UBAP2L: variants seen among roughly 807,000 people sequenced by gnomAD.
The protein encoded by UBAP2L is ubiquitin-associated protein 2-like.
Under a neutral mutation model 130.6 loss-of-function variants are expected in UBAP2L, and 12 were observed. The ratio of observed to expected loss-of-function variants is 0.09; its 90% CI spans 0.06 to 0.15. The LOEUF (loss-of-function observed/expected upper bound fraction) is 0.15. Ranked by LOEUF, UBAP2L falls within the 10% of genes least tolerant of loss-of-function variation. The pLI, the probability that UBAP2L is intolerant of heterozygous loss-of-function variation, is 1.00. For missense variants in UBAP2L, 965 were observed against 1,332.5 expected, an observed-to-expected ratio of 0.72 and a Z score of 4.29; for synonymous variants, 503 against 524.7, an observed-to-expected ratio of 0.96 and a Z score of 0.57.
chr1:154,238,467 G>A (rs770617821), intron 8 of UBAP2L, among the ~76,000 whole-genome samples: 1 of 152,202 alleles, frequency 6.6e-6, no homozygotes, highest in Non-Finnish European at 1.5e-5. Context: ...AGGTAAGATG[G>A]CAGAAGTTGA....
At chr1:154,235,729 C>T (rs536841720) in intron 6 of UBAP2L, among the ~76,000 whole-genome samples, 1 of 152,200 alleles carries the variant, frequency 6.6e-6, no homozygotes, top group African/African-American at 2.4e-5. Flanking sequence ...AGGCTGGCCT[C>T]GAACTCCTGA....
chr1:154,259,067 G>A, intron 21 of UBAP2L, 37 bp downstream of exon 21: 1 of 1,579,236 alleles, frequency 6.3e-7, no homozygotes, highest in South Asian at 1.1e-5. Flanking sequence ...AAAGAAAGTA[G>A]TCTTAAAATT....
At chr1:154,228,327 A>G (rs933645795) in intron 3 of UBAP2L, among the ~76,000 whole-genome samples, 19 of 152,136 alleles carry the variant, frequency 1.2e-4, no homozygotes, top group Non-Finnish European at 2.6e-4. Flanking sequence ...AGCTAGGATT[A>G]CAGGCGCCCG....
rs987320462 is a variant in UBAP2L, at chr1:154,268,392, T to C, written c.2971-365T>C. Among the ~76,000 whole-genome samples, 3 of 152,098 alleles carry C rather than the reference T, an allele frequency of 2.0e-5. No homozygotes were observed. In the East Asian group the frequency reaches 5.8e-4, roughly 29 times the overall value. ...TTTTAGTAGAGACGGGGTTTCACCA[T>C]ATTGGCCAGACTGGTCTTAAACTCC... On this transcript the variant is annotated intron_variant, in intron 25 of 26. Transcript: ENST00000428931.
Position 154,268,956 on chromosome 1 carries a change from T to A in UBAP2L, c.3168+2T>A. On this transcript the variant is annotated splice_donor_variant, in intron 26 of 26. Transcript: ENST00000428931. LOFTEE classifies it high-confidence loss of function. ...CATCACCTGCAGCAGGATGGCCAGG[T>A]AATAGCCCTTCCCCTTCTCTCCTTT... 1 of 1,601,536 alleles carries A rather than the reference T, an allele frequency of 6.2e-7. No homozygotes were observed. The highest frequency in any genetic ancestry group is 8.5e-7 in the Non-Finnish European group (1 of 1,172,844).
intron 10 of UBAP2L, among the ~76,000 whole-genome samples, chr1:154,245,359 C>G (rs943202177): frequency 6.6e-6 from 1 of 152,142 alleles, no homozygotes; most frequent in African/African-American, 2.4e-5. Flanking sequence ...TTAGGAAATT[C>G]TAAATGTTTT....
Position 154,258,799 on chromosome 1 carries a change from A to G in UBAP2L, c.2443-178A>G. 3 of 548,148 alleles carry G rather than the reference A, an allele frequency of 5.5e-6. No individual in the cohort carries two copies. The South Asian group carries it at 6.5e-5, about 12-fold the overall frequency. The allele number at this position is 548,148 out of a possible 1,614,324, so 34.0% of individuals were successfully genotyped here. A position where few individuals can be genotyped will look rare whatever the true frequency, so the allele number is the denominator to read the frequency against. On this transcript the variant is annotated intron_variant, in intron 20 of 26. Coordinates refer to ENST00000428931, the MANE Select transcript of UBAP2L (RefSeq NM_014847.4). Reference sequence around the variant, plus strand: ...AAAGCTTCAAGACCTTTCATGAATCATTTAATCTCTGTGTACTTTACTGCT... The same window carrying G: ...AAAGCTTCAAGACCTTTCATGAATCGTTTAATCTCTGTGTACTTTACTGCT...
chr1:154,245,162 G>A (rs1040257347), intron 10 of UBAP2L, among the ~76,000 whole-genome samples: 2 of 152,132 alleles, frequency 1.3e-5, no homozygotes, highest in Non-Finnish European at 2.9e-5. Flanking sequence ...CTGACTTCAA[G>A]TATCCGCCTG....
At chr1:154,223,309 A>G (rs1278431414) in intron 1 of UBAP2L, among the ~76,000 whole-genome samples, 2 of 152,250 alleles carry the variant, frequency 1.3e-5, no homozygotes, top group Non-Finnish European at 2.9e-5. Flanking sequence ...TACCTGCAAT[A>G]TAACTTATCC....
chr1:154,259,787 C>A, intron 21 of UBAP2L, 161 bp from the exon 22 acceptor site: 1 of 821,144 alleles, frequency 1.2e-6, no homozygotes, highest in Non-Finnish European at 2.1e-6. Context: ...ACAGTGTATG[C>A]AAGAGTAATG....
At chr1:154,250,317 G>C (rs935947745) in intron 12 of UBAP2L, among the ~76,000 whole-genome samples, 1 of 151,872 alleles carries the variant, frequency 6.6e-6, no homozygotes, top group African/African-American at 2.4e-5. Flanking sequence ...CTCCCAAAGT[G>C]ATGGGATTGC....
intron 26 of UBAP2L, 76 bp downstream of exon 26, chr1:154,269,030 C>T: frequency 6.5e-7 from 1 of 1,533,778 alleles, no homozygotes; most frequent in Non-Finnish European, 8.9e-7. Context: ...CTTTCCTTTT[C>T]TTACCCTTCC....
rs576339904 is a variant in UBAP2L at position 154,257,549 on chromosome 1, C to T, written c.2442+115C>T. 4.7e-6 allele frequency: 5 copies of T among 1,061,414 alleles called. No homozygotes were observed. In the Admixed American group the frequency reaches 8.8e-5, roughly 19 times the overall value. 65.7% of individuals were successfully genotyped at this position (1,061,414 alleles called of 1,614,324 possible). A position where few individuals can be genotyped will look rare whatever the true frequency, so the allele number is the denominator to read the frequency against. On this transcript the variant is annotated intron_variant, in intron 20 of 26. Coordinates refer to ENST00000428931, the MANE Select transcript of UBAP2L (RefSeq NM_014847.4). ...ACCAAAACTTGCACATACTCAAGCC[C>T]TGCAGTTGGCTCTGTGGAATCCATG...
Position 154,253,987 on chromosome 1 carries a change from A to G in UBAP2L, c.1752A>G (p.Gln584=), listed in dbSNP as rs755348678. The change falls in exon 15 of 27, where the codon CAA becomes CAG. Residue 584 remains glutamine (Q), a synonymous_variant. Transcript: ENST00000428931. ...GPIQSTTYTS[Q]NNAQGPLYEQ... ...TTCAGTCGACAACCTATACCTCCCA[A>G]AATAATGCTCAGGGCCCTCTTTATG... is the stretch of plus-strand genomic sequence containing the variant. 19 of 1,613,970 alleles carry G rather than the reference A, an allele frequency of 1.2e-5. 2 individuals are homozygous for G. The East Asian group carries it at 4.0e-4, about 34-fold the overall frequency.
upstream of UBAP2L, chr1:154,220,251 G>A (rs1665433938): frequency 6.9e-7 from 1 of 1,455,014 alleles, no homozygotes; most frequent in Non-Finnish European, 9.7e-7. Flanking sequence ...GCAGGTGAGT[G>A]GGTGGAGAAT....
rs1165925073 is a variant in UBAP2L, at chr1:154,268,870, A to C, written c.3084A>C (p.Pro1028=). The C allele has an allele frequency of 6.2e-7, 1 of 1,613,368 alleles. No individual in the cohort carries two copies. The highest frequency in any genetic ancestry group is 1.7e-5 in the Admixed American group (1 of 59,910). The change falls in exon 26 of 27, where the codon CCA becomes CCC. Residue 1028 remains proline, a synonymous_variant. Transcript: ENST00000428931. The part of the protein sequence containing the change: ...PINPATAAAY[P]PAPFMHILTP... ...ATCCGGCCACAGCTGCTGCCTACCC[A>C]CCTGCCCCCTTTATGCACATTCTGA...
At chr1:154,248,772 C>T (rs949317418) in intron 11 of UBAP2L, among the ~76,000 whole-genome samples, 19 of 152,242 alleles carry the variant, frequency 1.2e-4, no homozygotes, top group Non-Finnish European at 2.2e-4. Context: ...GCCGAGATAG[C>T]ACCACTGCAC....
At chr1:154,245,285 T>C (rs193129046) in intron 10 of UBAP2L, among the ~76,000 whole-genome samples, 7 of 152,278 alleles carry the variant, frequency 4.6e-5, no homozygotes, top group Admixed American at 1.3e-4. Flanking sequence ...CACCCTGGGC[T>C]ACCTCATTAG....
chr1:154,267,078 G>A lies in UBAP2L; in HGVS notation c.2970+510G>A, dbSNP rs533195250. ...TATAAAGCACTGGGGGTCTGGGGGG[G>A]CACTTCATGCACAAGACCTTCAGCA... On this transcript the variant is annotated intron_variant, in intron 25 of 26. Transcript: ENST00000428931. Among the ~76,000 whole-genome samples, 3 of 151,728 alleles carry A rather than the reference G, an allele frequency of 2.0e-5. No homozygotes were observed. The East Asian group carries it at 5.8e-4, about 29-fold the overall frequency.
Sources: gnomAD v4.1 joint callset for allele counts (sites outside exome capture counted in the v4.1 genomes callset) on GRCh38, gnomAD v4.1.1 for gene constraint, MANE v1.5 for transcripts, NCBI Gene and HGNC (gene_info 2026-07-23, HGNC 2026-07-21) for gene names.